The following HNRNPM variants were observed in gnomAD, a reference collection of about 807,000 sequenced individuals.
The protein encoded by HNRNPM is heterogeneous nuclear ribonucleoprotein M, also known as CEA receptor.
In HNRNPM, 11 loss-of-function variants were observed where a neutral mutation model predicts 73.1. The observed-to-expected ratio is 0.15, with a 90% CI of 0.09 to 0.25. The LOEUF is 0.25. HNRNPM is among the 10% of genes least tolerant of loss of function. HNRNPM has a pLI of 1.00. For synonymous variants in HNRNPM, 407 were observed against 355.2 expected (o/e 1.15, Z -1.64); for missense variants, 789 against 1,067.9 (o/e 0.74, Z 3.64).
chr19:8,479,256 T>C (rs988932329), intron 12 of HNRNPM, among the ~76,000 whole-genome samples: 1 of 151,976 alleles, frequency 6.6e-6, no homozygotes, highest in South Asian at 2.1e-4. Context: ...TTTTCTTGTA[T>C]TTTTAATGAG....
chr19:8,461,233 A>G (rs1969375282), intron 2 of HNRNPM, among the ~76,000 whole-genome samples: 1 of 152,260 alleles, frequency 6.6e-6, no homozygotes, highest in Non-Finnish European at 1.5e-5. Context: ...GTGCAGAGCC[A>G]TTAATAAATA....
At chr19:8,466,881 A>G (rs1969793862) in intron 7 of HNRNPM, among the ~76,000 whole-genome samples, 1 of 149,912 alleles carries the variant, frequency 6.7e-6, no homozygotes, top group African/African-American at 2.4e-5. Context: ...TTGATTCAAT[A>G]CAGTGTGGAT....
intron 15 of HNRNPM, 30 bp from the exon 16 acceptor site, chr19:8,488,661 G>C (rs1378715809): frequency 6.3e-7 from 1 of 1,594,564 alleles, no homozygotes; most frequent in Non-Finnish European, 8.6e-7. Context: ...TCGGGACTGA[G>C]TGTCGTCTCT....
intron 2 of HNRNPM, among the ~76,000 whole-genome samples, chr19:8,459,257 T>C (rs1358619961): frequency 6.6e-6 from 1 of 152,216 alleles, no homozygotes; most frequent in East Asian, 1.9e-4. Flanking sequence ...AGCGTTCATA[T>C]GTATGAATAC....
chr19:8,476,652 G>T (rs1374997501), intron 12 of HNRNPM, among the ~76,000 whole-genome samples: 1 of 152,126 alleles, frequency 6.6e-6, no homozygotes, highest in Non-Finnish European at 1.5e-5. Context: ...CCCTTTGTGG[G>T]TGTAAATTGG....
chr19:8,448,184 C>T (rs1227472194), intron 1 of HNRNPM, among the ~76,000 whole-genome samples: 1 of 152,114 alleles, frequency 6.6e-6, no homozygotes, highest in African/African-American at 2.4e-5. Context: ...TCTTTCTCTA[C>T]CAGGAGTGGA....
At position 8,462,831 on chromosome 19, in the gene HNRNPM, G is replaced by C. The variant is rs1025204415; in HGVS notation, c.336+250G>C. Among the ~76,000 whole-genome samples the C allele has an allele frequency of 6.6e-6, 1 of 152,170 alleles. No individual in the cohort carries two copies. Among genetic ancestry groups the C allele is most frequent in the African/African-American group, 2.4e-5 (1 of 41,428 alleles). ...CAATTTGGATAACTGGGGACCAATA[G>C]CAGCATTGTCTCTTTGTTAACAGAG... On this transcript the variant is annotated intron_variant, in intron 3 of 15. Coordinates refer to ENST00000325495, the MANE Select transcript of HNRNPM (RefSeq NM_005968.5). The surrounding 1 kb of genome is among the most constrained non-coding windows in gnomAD (Gnocchi z 4.5).
chr19:8,478,859 G>A (rs1970693552), intron 12 of HNRNPM, among the ~76,000 whole-genome samples: 1 of 152,108 alleles, frequency 6.6e-6, no homozygotes, highest in African/African-American at 2.4e-5. Flanking sequence ...ATTGGGGCAG[G>A]AGTTTCCTTA....
chr19:8,476,239 G>T (rs1970497897), intron 12 of HNRNPM, among the ~76,000 whole-genome samples: 1 of 152,156 alleles, frequency 6.6e-6, no homozygotes, highest in African/African-American at 2.4e-5. Flanking sequence ...TGAGAACAGG[G>T]ACTCCTTCCC....
intron 10 of HNRNPM, among the ~76,000 whole-genome samples, chr19:8,471,737 T>G (rs535248466): frequency 6.6e-6 from 1 of 152,248 alleles, no homozygotes; most frequent in East Asian, 1.9e-4. Context: ...ACACTGTCAG[T>G]TACTGACAGG....
intron 9 of HNRNPM, among the ~76,000 whole-genome samples, chr19:8,469,989 C>CA (rs1345214948): frequency 6.6e-6 from 1 of 152,278 alleles, no homozygotes; most frequent in African/African-American, 2.4e-5. Context: ...ATTTCCTGGA[C>CA]ATAACATACT....
chr19:8,450,727 A>ATTATTTT (rs1555697585), intron 1 of HNRNPM, among the ~76,000 whole-genome samples: 4 of 125,368 alleles, frequency 3.2e-5, no homozygotes, highest in African/African-American at 1.1e-4. Flanking sequence ...TATTATTATT[A>ATTATTTT]TTTTTTTTTT....
At chr19:8,445,676 G>C (rs1314974638) in intron 1 of HNRNPM, 4 of 152,358 alleles carry the variant, frequency 2.6e-5, no homozygotes, top group Non-Finnish European at 5.9e-5. Flanking sequence ...CCCGCGCGCC[G>C]ACCGCGCTCC....
At position 8,488,831 on chromosome 19, in the gene HNRNPM, G is replaced by A. The variant is rs1241821381; in HGVS notation, c.2170G>A (p.Val724Ile). The A allele has an allele frequency of 3.1e-6, 5 of 1,613,836 alleles. No homozygotes were observed. The highest frequency in any genetic ancestry group is 1.3e-5 in the African/African-American group (1 of 74,908). Residue 724 changes from valine (V) to isoleucine (I), a missense_variant, in exon 16 of 16, where the codon GTT becomes ATT. Physicochemically the swap from Val to Ile is conservative, Grantham distance 29 (BLOSUM62 3). Coordinates refer to ENST00000325495, the MANE Select transcript of HNRNPM (RefSeq NM_005968.5). ...GAAGCTGAGTGGCCGAGAGATTGAC[G>A]TTCGAATTGATAGAAACGCTTAAGC... ...GMKLSGREID[V>I]RIDRNA
chr19:8,487,714 TC>T (rs1446413895), intron 15 of HNRNPM: 1 of 152,638 alleles, frequency 6.6e-6, no homozygotes, highest in African/African-American at 2.4e-5. Context: ...CGCACTGTCC[TC>T]CCGCTTCCTG....
At chr19:8,481,829 G>T (rs966699129) in intron 12 of HNRNPM, among the ~76,000 whole-genome samples, 4 of 152,196 alleles carry the variant, frequency 2.6e-5, no homozygotes, top group African/African-American at 9.7e-5. Flanking sequence ...CGTCCCGGGA[G>T]AATGAGCTGT....
At chr19:8,447,374 T>C (rs1435078276) in intron 1 of HNRNPM, among the ~76,000 whole-genome samples, 5 of 152,100 alleles carry the variant, frequency 3.3e-5, no homozygotes, top group South Asian at 2.1e-4. Flanking sequence ...ATGTATGTTA[T>C]GTAATTACCA....
intron 1 of HNRNPM, 98 bp downstream of exon 1, chr19:8,445,209 GCGGCCTCGGCCC>G: frequency 9.1e-7 from 1 of 1,095,406 alleles, no homozygotes; most frequent in Non-Finnish European, 1.2e-6. Context: ...TAGCCCCGGC[GCGGCCTCGGCCC>G]CGGCTGTTCC....
intron 9 of HNRNPM, among the ~76,000 whole-genome samples, chr19:8,470,739 T>A (rs1324855312): frequency 6.6e-6 from 1 of 152,220 alleles, no homozygotes; most frequent in African/African-American, 2.4e-5. Flanking sequence ...CAGCCTGTAT[T>A]TCTGTGTCCC....
Sources: allele counts gnomAD v4.1 joint callset (sites outside exome capture counted in the v4.1 genomes callset), GRCh38; gene constraint gnomAD v4.1.1; non-coding constraint Gnocchi (gnomAD v3.1); transcripts MANE v1.5; gene names NCBI Gene and HGNC (gene_info 2026-07-23, HGNC 2026-07-21).